The following SRPK2 variants were observed in gnomAD, a reference collection of about 807,000 sequenced individuals.
SRPK2 encodes SRSF protein kinase 2.
In SRPK2, 21 loss-of-function variants were observed where a neutral mutation model predicts 90.8. The ratio of observed to expected loss-of-function variants is 0.23; its 90% CI spans 0.16 to 0.33. The LOEUF is 0.33. Ranked by LOEUF, SRPK2 falls within the 10% of genes least tolerant of loss-of-function variation. The pLI is 1.00. For missense variants in SRPK2, 620 were observed against 869.0 expected (o/e 0.71, Z 3.60); for synonymous variants, 288 against 311.1 (o/e 0.93, Z 0.78).
At chr7:105,126,901 G>T (rs1801292318) in intron 14 of SRPK2, 92 bp downstream of exon 14, 14 of 1,264,720 alleles carry the variant, frequency 1.1e-5, no homozygotes, top group South Asian at 2.6e-5. Context: ...CAAACACATG[G>T]CTCTATTTCA....
In SRPK2 at chr7:105,117,546, C is replaced by CA. The variant is rs942262688; in HGVS notation, c.*291dup. 9.8e-5 allele frequency: 33 copies of CA among 336,004 alleles called. No individual in the cohort carries two copies. Among genetic ancestry groups the CA allele is most frequent in the Admixed American group, 7.8e-4 (16 of 20,548 alleles). 20.8% of individuals were successfully genotyped at this position (336,004 alleles called of 1,614,324 possible). ...CACAAAGGGGAAAGTATTTTTCATT[C>CA]AAAAAAATGACATTTGAATGTCACA... On this transcript the variant is annotated 3_prime_UTR_variant, in exon 16 of 16. Transcript: ENST00000393651.
At chr7:105,232,458 T>TAAAAAAAAAAAAA (rs10533429) in intron 2 of SRPK2, among the ~76,000 whole-genome samples, 5 of 132,064 alleles carry the variant, frequency 3.8e-5, no homozygotes, top group East Asian at 2.9e-4. Flanking sequence ...AAACCTTATC[T>TAAAAAAAAAAAAA]AAAAAAAAAA....
At chr7:105,176,679 A>ATGTG (rs201322744) in intron 3 of SRPK2, among the ~76,000 whole-genome samples, 1 of 133,934 alleles carries the variant, frequency 7.5e-6, no homozygotes, top group African/African-American at 2.9e-5. Context: ...AGATGTATGC[A>ATGTG]TGTGTGTGTG....
chr7:105,368,612 C>T (rs1231294825), intron 2 of SRPK2, among the ~76,000 whole-genome samples: 2 of 152,116 alleles, frequency 1.3e-5, no homozygotes, highest in Non-Finnish European at 2.9e-5. Context: ...CTGCTGGCCA[C>T]GGCGGCTCAA....
chr7:105,204,713 A>G, intron 2 of SRPK2: 1 of 781,396 alleles, frequency 1.3e-6, no homozygotes, highest in Non-Finnish European at 2.0e-6. Context: ...CTAGAAGAAC[A>G]AGCTTGACAA....
At chr7:105,389,041 C>G (rs1399720139), upstream of SRPK2, 1 of 970,526 alleles carries the variant, frequency 1.0e-6, no homozygotes, top group African/African-American at 1.8e-5. Context: ...CGCCGCGCGC[C>G]CAGCGCCCCG....
intron 2 of SRPK2, among the ~76,000 whole-genome samples, chr7:105,240,897 A>G (rs1800729460): frequency 6.6e-6 from 1 of 152,220 alleles, no homozygotes; most frequent in African/African-American, 2.4e-5. Flanking sequence ...TGTCAGTACT[A>G]TGCCAGTTCA....
At chr7:105,193,730 C>A (rs1485665011) in intron 3 of SRPK2, among the ~76,000 whole-genome samples, 1 of 152,098 alleles carries the variant, frequency 6.6e-6, no homozygotes, top group Non-Finnish European at 1.5e-5. Flanking sequence ...AGCACATATT[C>A]TTCTGTATTT....
chr7:105,278,189 G>T (rs568916872), intron 2 of SRPK2, among the ~76,000 whole-genome samples: 1 of 151,758 alleles, frequency 6.6e-6, no homozygotes, highest in South Asian at 2.1e-4. Flanking sequence ...GGTGGAGCAT[G>T]CCTATAATCC....
chr7:105,160,273 A>C, intron 7 of SRPK2: 1 of 319,224 alleles, frequency 3.1e-6, no homozygotes, highest in Non-Finnish European at 5.7e-6. Flanking sequence ...ACGACAGGCA[A>C]AAAACGTATG....
At chr7:105,328,351 C>G (rs904097656) in intron 2 of SRPK2, among the ~76,000 whole-genome samples, 1 of 145,370 alleles carries the variant, frequency 6.9e-6, no homozygotes, top group African/African-American at 2.6e-5. Flanking sequence ...CACTTGAAGT[C>G]AAGAGTTTGA....
At chr7:105,116,351 A>T (rs1417300929), downstream of SRPK2, 1 of 152,506 alleles carries the variant, frequency 6.6e-6, no homozygotes, top group African/African-American at 2.4e-5. Flanking sequence ...TCTATCATTT[A>T]TAGGGCAATG....
chr7:105,227,313 T>A (rs1798833155), intron 2 of SRPK2, among the ~76,000 whole-genome samples: 1 of 152,178 alleles, frequency 6.6e-6, no homozygotes, highest in African/African-American at 2.4e-5. Context: ...GCACCATATA[T>A]GTTATCTTTT....
At chr7:105,205,517 T>TCTCACACA (rs1491532268) in intron 2 of SRPK2, among the ~76,000 whole-genome samples, 1 of 95,888 alleles carries the variant, frequency 1.0e-5, no homozygotes, top group African/African-American at 3.6e-5. Flanking sequence ...TCTCTCTCTC[T>TCTCACACA]CACACACACA....
chr7:105,277,476 G>A (rs886098876), intron 2 of SRPK2, among the ~76,000 whole-genome samples: 3 of 152,210 alleles, frequency 2.0e-5, no homozygotes, highest in African/African-American at 7.2e-5. Flanking sequence ...CTGAAGCCAA[G>A]TATTGAGGTC....
chr7:105,315,790 C>G (rs1237216333), intron 2 of SRPK2, among the ~76,000 whole-genome samples: 4 of 152,108 alleles, frequency 2.6e-5, no homozygotes, highest in Non-Finnish European at 5.9e-5. Flanking sequence ...TCATGGTGAA[C>G]AAACAATAAA....
intron 15 of SRPK2, 95 bp from the exon 16 acceptor site, chr7:105,118,117 C>A: frequency 7.8e-7 from 1 of 1,280,646 alleles, no homozygotes; most frequent in Non-Finnish European, 1.1e-6. Flanking sequence ...AGCGGACAAC[C>A]ACCTGCTCAA....
chr7:105,204,721 C>A lies in SRPK2; in HGVS notation c.72-936G>T, dbSNP rs1042596026. ...GCTGCGTCTAGAAGAACAAGCTTGA[C>A]AAACATATTGTGGTCTGGTTCTGGT... On this transcript the variant is annotated intron_variant, in intron 2 of 15. Transcript: ENST00000393651. 22 of 742,570 alleles carry A rather than the reference C, an allele frequency of 3.0e-5. No homozygotes were observed. The Admixed American group carries it at 4.6e-4, about 15-fold the overall frequency. 46.0% of individuals were successfully genotyped at this position (742,570 alleles called of 1,614,324 possible).
chr7:105,277,167 C>T (rs555660717), intron 2 of SRPK2, among the ~76,000 whole-genome samples: 1 of 152,222 alleles, frequency 6.6e-6, no homozygotes, highest in African/African-American at 2.4e-5. Context: ...AGCTCCGCCT[C>T]CCGGGTTCAC....
Sources: gnomAD v4.1 joint callset for allele counts (sites outside exome capture counted in the v4.1 genomes callset) on GRCh38, gnomAD v4.1.1 for gene constraint, MANE v1.5 for transcripts, NCBI Gene and HGNC (gene_info 2026-07-23, HGNC 2026-07-21) for gene names.